RANBP2: variants seen among roughly 807,000 people sequenced by gnomAD.
RANBP2 encodes the protein RAN binding protein 2.
In RANBP2, 57 loss-of-function variants were observed where a neutral mutation model predicts 303.6. The ratio of observed to expected loss-of-function variants is 0.19; its 90% CI spans 0.15 to 0.23. The LOEUF (loss-of-function observed/expected upper bound fraction) is 0.23. Among genes scored for constraint, RANBP2 ranks in the 10% least tolerant of loss-of-function variants. RANBP2 has a pLI of 1.00. For synonymous variants in RANBP2, 1,167 were observed against 1,301.5 expected, an observed-to-expected ratio of 0.90 and a Z score of 2.23; for missense variants, 3,138 against 3,780.8, an observed-to-expected ratio of 0.83 and a Z score of 4.46.
chr2:108,854,059 TATATATTTTATATATA>T, the RANBP2 span, among the ~76,000 whole-genome samples: 1 of 119,276 alleles, frequency 8.4e-6, no homozygotes, highest in African/African-American at 3.8e-5. Flanking sequence ...ATTTATATTA[TATATATTTTATATATA>T]ATATAATAAA....
chr2:109,629,333 ATATATATATATATATATATATATTT>A, the RANBP2 span, among the ~76,000 whole-genome samples: 615 of 10,568 alleles, frequency 0.058, 22 homozygotes, highest in African/African-American at 0.078. Context: ...ATATATATAT[ATATATATATATATATATATATATTT>A]TTTTTTTTTT....
At chr2:108,947,790 T>C in the RANBP2 span, among the ~76,000 whole-genome samples, 7 of 152,198 alleles carry the variant, frequency 4.6e-5, no homozygotes, top group Admixed American at 2.0e-4. Context: ...TGGGAGAGGC[T>C]GGTGTGAAGA....
chr2:109,121,686 G>T, the RANBP2 span, among the ~76,000 whole-genome samples: 1 of 152,086 alleles, frequency 6.6e-6, no homozygotes, highest in South Asian at 2.1e-4. Flanking sequence ...AGACTTTACT[G>T]CAGTTTCCAG....
At chr2:108,781,958 T>C (rs1678285420) in intron 26 of RANBP2, among the ~76,000 whole-genome samples, 170 bp from the exon 27 acceptor site, 1 of 152,212 alleles carries the variant, frequency 6.6e-6, no homozygotes, top group Non-Finnish European at 1.5e-5. Context: ...CTTTACTCCC[T>C]CAGCCAAATC....
At chr2:108,923,271 G>T in the RANBP2 span, 1 of 1,187,610 alleles carries the variant, frequency 8.4e-7, no homozygotes, top group Non-Finnish European at 1.3e-6. Flanking sequence ...GATTCACCTT[G>T]TCCAGGTGCC....
At chr2:108,769,838 G>T (rs1472872116) in intron 20 of RANBP2, among the ~76,000 whole-genome samples, 1 of 151,860 alleles carries the variant, frequency 6.6e-6, no homozygotes, top group African/African-American at 2.4e-5. Flanking sequence ...GGAACAAGAA[G>T]TGGGATCTGT....
At chr2:108,957,360 T>G in the RANBP2 span, among the ~76,000 whole-genome samples, 1 of 152,234 alleles carries the variant, frequency 6.6e-6, no homozygotes, top group Non-Finnish European at 1.5e-5. Flanking sequence ...AAGGTCTTAG[T>G]CACTGGTTTA....
the RANBP2 span, among the ~76,000 whole-genome samples, chr2:109,405,482 C>T: frequency 5.3e-5 from 8 of 152,052 alleles, no homozygotes; most frequent in African/African-American, 1.4e-4. Context: ...TGAGCCTGTG[C>T]AGATCTTCTC....
the RANBP2 span, among the ~76,000 whole-genome samples, chr2:108,797,506 C>A: frequency 2.0e-5 from 3 of 151,822 alleles, no homozygotes; most frequent in African/African-American, 7.3e-5. Context: ...GAGACCTCAG[C>A]AAATGTAGAT....
At chr2:109,146,455 C>T in the RANBP2 span, among the ~76,000 whole-genome samples, 1 of 151,946 alleles carries the variant, frequency 6.6e-6, no homozygotes, top group Admixed American at 6.5e-5. Flanking sequence ...GCCAAGAGGC[C>T]TCCAGTGTGG....
the RANBP2 span, among the ~76,000 whole-genome samples, chr2:108,941,079 T>TTG: frequency 6.6e-6 from 1 of 152,192 alleles, no homozygotes; most frequent in East Asian, 1.9e-4. Context: ...TTGCCTGTTC[T>TTG]AGATCTTCAT....
chr2:108,910,928 G>A, the RANBP2 span: 19 of 1,613,986 alleles, frequency 1.2e-5, no homozygotes, highest in African/African-American at 5.3e-5. Context: ...GCAGGGCACC[G>A]GCGCATGGGG....
At chr2:108,745,806 G>T (rs1415243094) in intron 7 of RANBP2, among the ~76,000 whole-genome samples, 2 of 151,754 alleles carry the variant, frequency 1.3e-5, no homozygotes, top group African/African-American at 2.4e-5. Context: ...TTTATGCAGG[G>T]TCGAAAAGTA....
At chr2:109,419,921 A>G in the RANBP2 span, among the ~76,000 whole-genome samples, 6 of 152,232 alleles carry the variant, frequency 3.9e-5, no homozygotes, top group African/African-American at 1.4e-4. Context: ...GGAGCCAGCC[A>G]TAGTGTGGAG....
the RANBP2 span, among the ~76,000 whole-genome samples, chr2:109,697,843 T>C: frequency 7.0e-6 from 1 of 142,398 alleles, no homozygotes; most frequent in African/African-American, 3.0e-5. Flanking sequence ...TTCATTATTA[T>C]GATGTTAGTC....
the RANBP2 span, among the ~76,000 whole-genome samples, chr2:109,279,174 C>T: frequency 2.6e-5 from 4 of 152,168 alleles, no homozygotes; most frequent in African/African-American, 9.7e-5. Flanking sequence ...GGTCCGGATT[C>T]CATGCATACG....
the RANBP2 span, among the ~76,000 whole-genome samples, chr2:109,519,420 A>G: frequency 6.6e-6 from 1 of 152,194 alleles, no homozygotes; most frequent in Non-Finnish European, 1.5e-5. Context: ...AGTTTAATGC[A>G]TATTTGTTAC....
At chr2:109,489,617 G>A in the RANBP2 span, among the ~76,000 whole-genome samples, 1 of 152,238 alleles carries the variant, frequency 6.6e-6, no homozygotes, top group Non-Finnish European at 1.5e-5. Context: ...TGGCCCGTCA[G>A]CAGCATCCTT....
chr2:109,537,292 C>T, the RANBP2 span, among the ~76,000 whole-genome samples: 151 of 152,294 alleles, frequency 9.9e-4, no homozygotes, highest in African/African-American at 3.6e-3. Context: ...TTAATATTTT[C>T]TGTATCTATG....
Sources: gnomAD v4.1 joint callset for allele counts (sites outside exome capture counted in the v4.1 genomes callset) on GRCh38, gnomAD v4.1.1 for gene constraint, MANE v1.5 for transcripts, NCBI Gene and HGNC (gene_info 2026-07-23, HGNC 2026-07-21) for gene names.